The following ARAP2 variants were observed in gnomAD, a reference collection of about 807,000 sequenced individuals.
The protein encoded by ARAP2 is ArfGAP with RhoGAP domain, ankyrin repeat and PH domain 2.
A neutral mutation model predicts 194.5 loss-of-function variants in ARAP2; 148 were observed. The observed-to-expected ratio is 0.76, with a 90% CI of 0.67 to 0.87. ARAP2 has a LOEUF of 0.87. Among genes scored for constraint, ARAP2 ranks in the 40% least tolerant of loss-of-function variants. ARAP2 has a pLI of 0.00. For synonymous variants in ARAP2, 695 were observed against 683.5 expected (o/e 1.02, Z -0.26); for missense variants, 2,128 against 1,989.7 (o/e 1.07, Z -1.32).
At chr4:36,084,135 C>A (rs998238623) in intron 28 of ARAP2, among the ~76,000 whole-genome samples, 4 of 152,004 alleles carry the variant, frequency 2.6e-5, no homozygotes, top group African/African-American at 4.8e-5. Flanking sequence ...TCGGACTGAG[C>A]CACTACTGGC....
rs529798533 is a variant in ARAP2, at chr4:36,201,149, AT to A, written c.1488-7503del. Among the ~76,000 whole-genome samples, 953 of 152,312 alleles carry A rather than the reference AT, an allele frequency of 6.3e-3. 13 individuals are homozygous for A. Among genetic ancestry groups the A allele is most frequent in the Non-Finnish European group, 5.7e-3 (385 of 67,998 alleles). Reference sequence around the variant, plus strand: ...CCACACACAAATATTAACTCATTTAATCCTCCAGACAAACATGTGAGACAGG... The same window carrying A: ...CCACACACAAATATTAACTCATTTAACCTCCAGACAAACATGTGAGACAGG... On this transcript the variant is annotated intron_variant, in intron 6 of 32. Transcript: ENST00000303965.
In ARAP2 at chr4:36,229,675, G is replaced by A. The variant is rs56975195; in HGVS notation, c.-159-30C>T. On this transcript the variant is annotated intron_variant, in intron 1 of 32. Coordinates refer to ENST00000303965, the MANE Select transcript of ARAP2 (RefSeq NM_015230.4). ...AAAAAAATAAAAAATGATTCATTAG[G>A]CTATTTTAATTATTAAAATCTACTT... The A allele has an allele frequency of 2.8e-3, 1,214 of 431,472 alleles. 14 individuals carry two copies. Among genetic ancestry groups the A allele is most frequent in the African/African-American group, 0.022 (1,106 of 50,050 alleles). The allele number at this position is 431,472 out of a possible 1,614,324, so 26.7% of individuals were successfully genotyped here.
Position 36,229,502 on chromosome 4 carries a change from ACTAAG to A in ARAP2, c.-21_-17del. The stretch of plus-strand genomic sequence containing the variant: ...CTGAGGACATAATGGTGGCTTCATT[ACTAAG>A]CTGAGTTACAAAAAGTGGCACGATG... On this transcript the variant is annotated 5_prime_UTR_variant, in exon 2 of 33. Transcript: ENST00000303965. 2 of 1,575,038 alleles carry A rather than the reference ACTAAG, an allele frequency of 1.3e-6. No individual in the cohort carries two copies. Among genetic ancestry groups the A allele is most frequent in the Non-Finnish European group, 1.7e-6 (2 of 1,158,216 alleles).
rs1011879226 is a variant in ARAP2 at position 36,091,409 on chromosome 4, A to G, written c.4425+472T>C. Among the ~76,000 whole-genome samples, 3 of 152,156 alleles carry G rather than the reference A, an allele frequency of 2.0e-5. 1 individual carries two copies. Among genetic ancestry groups the G allele is most frequent in the Admixed American group, 1.3e-4 (2 of 15,262 alleles). The stretch of plus-strand genomic sequence containing the variant: ...TTTAGGGAAATAAATTAGACGGAAT[A>G]TATCAATAAGATTACATTAATACAT... On this transcript the variant is annotated intron_variant, in intron 28 of 32. Coordinates refer to ENST00000303965, the MANE Select transcript of ARAP2 (RefSeq NM_015230.4).
chr4:36,147,627 G>A lies in ARAP2; in HGVS notation c.3120C>T (p.Asp1040=), dbSNP rs369650269. Residue 1040 remains aspartate, a synonymous_variant, in exon 18 of 33, where the codon GAC becomes GAT. Transcript: ENST00000303965. The part of the protein sequence containing the change: ...DQWRKGWFAM[D]KSSLHFCLQM... The stretch of plus-strand genomic sequence containing the variant: ...GAAGGCAAAAATGCAAGCTGGATTT[G>A]TCCATAGCAAACCAGCCTTTTCTCC... The A allele has an allele frequency of 5.6e-6, 9 of 1,613,620 alleles. No individual in the cohort carries two copies. The highest frequency in any genetic ancestry group is 7.6e-6 in the Non-Finnish European group (9 of 1,179,690).
intron 6 of ARAP2, among the ~76,000 whole-genome samples, chr4:36,018,607 C>T (rs943694944): frequency 2.6e-5 from 4 of 152,164 alleles, no homozygotes; most frequent in African/African-American, 7.2e-5. Flanking sequence ...ATTGTGTGAA[C>T]ACTTATATTC....
At chr4:36,182,439 T>C (rs939885453) in intron 8 of ARAP2, among the ~76,000 whole-genome samples, 4 of 151,998 alleles carry the variant, frequency 2.6e-5, no homozygotes, top group African/African-American at 9.7e-5. Flanking sequence ...GAGTTTGCAG[T>C]GAGCCGAGAT....
chr4:36,218,385 T>C (rs1748443768), intron 2 of ARAP2, among the ~76,000 whole-genome samples: 1 of 152,096 alleles, frequency 6.6e-6, no homozygotes, highest in Admixed American at 6.6e-5. Context: ...TTAGCACCTG[T>C]GACACAAGTT....
In ARAP2 at chr4:36,122,946, G is replaced by A. The variant is rs73806472; in HGVS notation, c.3747-1620C>T. Among the ~76,000 whole-genome samples, 808 of 151,818 alleles carry A rather than the reference G, an allele frequency of 5.3e-3. 11 individuals carry two copies. The highest frequency in any genetic ancestry group is 0.018 in the African/African-American group (762 of 41,490). Reference sequence around the variant, plus strand: ...TCTATGAAGAACACAGATTCAGGTAGCTACAAGAAAAGGTGAATAAACATG... The same window carrying A: ...TCTATGAAGAACACAGATTCAGGTAACTACAAGAAAAGGTGAATAAACATG... On this transcript the variant is annotated intron_variant, in intron 22 of 32. Transcript: ENST00000303965.
At chr4:36,104,199 C>A in intron 27 of ARAP2, among the ~76,000 whole-genome samples, 1 of 134,012 alleles carries the variant, frequency 7.5e-6, no homozygotes, top group Admixed American at 7.6e-5. Flanking sequence ...ACTGCTCCCC[C>A]ACCTTTTTTT....
In ARAP2 at chr4:36,011,703, T is replaced by C. The variant is rs142711868; in HGVS notation, n.1325+860A>G. Among the ~76,000 whole-genome samples the C allele has an allele frequency of 1.5e-3, 232 of 152,282 alleles. 4 individuals carry two copies. In the East Asian group the frequency reaches 0.036, roughly 23 times the overall value. ...ATTGATAATTCTACATATAGGCATT[T>C]ATATTATCATTATTCTTTAAATCAT... On this transcript the variant is annotated intron_variant and non_coding_transcript_variant, in intron 9 of 12. Transcript: ENST00000503225.
At chr4:36,033,941 G>GA in intron 5 of ARAP2, among the ~76,000 whole-genome samples, 1 of 151,962 alleles carries the variant, frequency 6.6e-6, no homozygotes, top group East Asian at 1.9e-4. Context: ...CAGCTTCATT[G>GA]AAAATCAGAT....
intron 19 of ARAP2, among the ~76,000 whole-genome samples, chr4:36,141,282 A>G (rs973924000): frequency 6.6e-6 from 1 of 151,616 alleles, no homozygotes; most frequent in Non-Finnish European, 1.5e-5. Flanking sequence ...AGAAAAGCAC[A>G]GGATCTAAGT....
intron 2 of ARAP2, among the ~76,000 whole-genome samples, chr4:36,215,283 C>T (rs772604164): frequency 1.3e-5 from 2 of 152,158 alleles, no homozygotes; most frequent in Non-Finnish European, 2.9e-5. Context: ...CATATACAGT[C>T]CCACACATCT....
chr4:36,216,669 A>G (rs907756634), intron 2 of ARAP2, among the ~76,000 whole-genome samples: 2 of 152,202 alleles, frequency 1.3e-5, no homozygotes. Context: ...AATAGACATC[A>G]GGAAGTAAAT....
At chr4:36,084,161 C>T (rs950301149) in intron 28 of ARAP2, among the ~76,000 whole-genome samples, 4 of 152,080 alleles carry the variant, frequency 2.6e-5, no homozygotes, top group Non-Finnish European at 5.9e-5. Context: ...TGCTCCTCAG[C>T]TTGCAGACGG....
chr4:36,086,567 C>T (rs1440904255), intron 28 of ARAP2, among the ~76,000 whole-genome samples: 1 of 152,100 alleles, frequency 6.6e-6, no homozygotes, highest in Non-Finnish European at 1.5e-5. Context: ...GATCGCTTTA[C>T]TGTTGGCTTA....
chr4:36,063,295 C>T (rs747716868), downstream of ARAP2, among the ~76,000 whole-genome samples: 38 of 151,938 alleles, frequency 2.5e-4, no homozygotes, highest in Middle Eastern at 3.4e-3. Context: ...ACATCACACA[C>T]TGGGGCCTGT....
intron 23 of ARAP2, 50 bp from the exon 24 acceptor site, chr4:36,119,768 T>C: frequency 7.8e-7 from 1 of 1,284,208 alleles, no homozygotes; most frequent in Non-Finnish European, 1.1e-6. Context: ...ATACGAAGAG[T>C]GATGACACTC....
Sources: allele counts gnomAD v4.1 joint callset (sites outside exome capture counted in the v4.1 genomes callset), GRCh38; gene constraint gnomAD v4.1.1; transcripts MANE v1.5; gene names NCBI Gene and HGNC (gene_info 2026-07-23, HGNC 2026-07-21).